The following COPS2 variants were observed in gnomAD, a reference collection of about 807,000 sequenced individuals.
COPS2 encodes the protein COP9 signalosome complex subunit 2.
In COPS2, 10 loss-of-function variants were observed where a neutral mutation model predicts 66.1. The observed-to-expected ratio is 0.15, with a 90% confidence interval of 0.09 to 0.26. The LOEUF is 0.26. Among genes scored for constraint, COPS2 ranks in the 10% least tolerant of loss-of-function variants. COPS2 has a pLI of 1.00. For missense variants in COPS2, 215 were observed against 513.3 expected, an observed-to-expected ratio of 0.42 and a Z score of 5.62; for synonymous variants, 179 against 171.3, an observed-to-expected ratio of 1.04 and a Z score of -0.35.
intron 1 of COPS2, among the ~76,000 whole-genome samples, chr15:49,146,412 T>G (rs1566885837): frequency 1.3e-5 from 2 of 150,472 alleles, no homozygotes; most frequent in African/African-American, 4.9e-5. Context: ...CTGATCAAGC[T>G]AAAAAAAAAG....
intron 1 of COPS2, among the ~76,000 whole-genome samples, chr15:49,154,687 A>G (rs1438824893): frequency 6.6e-6 from 1 of 152,236 alleles, no homozygotes; most frequent in Non-Finnish European, 1.5e-5. Flanking sequence ...GATGTTTTTG[A>G]ATAGCAAACG....
At chr15:49,135,040 T>A (rs573881857) in intron 6 of COPS2, among the ~76,000 whole-genome samples, 2 of 152,144 alleles carry the variant, frequency 1.3e-5, no homozygotes, top group African/African-American at 2.4e-5. Context: ...AATTTATAAA[T>A]CAGGTACAGT....
intron 6 of COPS2, among the ~76,000 whole-genome samples, chr15:49,136,342 A>G (rs1306555009): frequency 6.6e-6 from 1 of 152,218 alleles, no homozygotes; most frequent in Non-Finnish European, 1.5e-5. Context: ...TTAAAAAGTT[A>G]TAGAGCCATT....
intron 4 of COPS2, chr15:49,137,735 T>G: frequency 4.2e-6 from 1 of 235,988 alleles, no homozygotes; most frequent in East Asian, 9.0e-5. Context: ...AATCTAATAA[T>G]ACATTCTGTA....
At chr15:49,147,374 T>C (rs536991684) in intron 1 of COPS2, among the ~76,000 whole-genome samples, 11 of 152,280 alleles carry the variant, frequency 7.2e-5, no homozygotes, top group African/African-American at 2.4e-4. Flanking sequence ...AGTCCATTTA[T>C]TTTTGGTTTC....
chr15:49,128,234 T>C, intron 12 of COPS2, 140 bp from the exon 13 acceptor site: 1 of 714,664 alleles, frequency 1.4e-6, no homozygotes, highest in Non-Finnish European at 2.3e-6. Flanking sequence ...GTGTTAGTTT[T>C]AACTTCACTG....
chr15:49,155,329 C>T (rs1334542773), intron 1 of COPS2, among the ~76,000 whole-genome samples, 196 bp downstream of exon 1: 1 of 152,200 alleles, frequency 6.6e-6, no homozygotes, highest in Admixed American at 6.5e-5. Flanking sequence ...CCTCCTTTGC[C>T]CTCCCTTCCC....
At chr15:49,136,189 G>A (rs1241565496) in intron 6 of COPS2, among the ~76,000 whole-genome samples, 2 of 152,052 alleles carry the variant, frequency 1.3e-5, no homozygotes, top group African/African-American at 4.8e-5. Flanking sequence ...GGTGGCAAGC[G>A]TGGGGAGGGG....
chr15:49,155,590 G>T lies in COPS2; in HGVS notation c.-12C>A, dbSNP rs77933182. On this transcript the variant is annotated 5_prime_UTR_variant, in exon 1 of 13. Transcript: ENST00000388901. The stretch of plus-strand genomic sequence containing the variant: ...TCCATGTCAGACATCTTGGCCGGGA[G>T]GGGGAGGAGAAATTGGAGACAACCT... 13 of 1,613,858 alleles carry T rather than the reference G, an allele frequency of 8.1e-6. No homozygotes were observed. The highest frequency in any genetic ancestry group is 3.3e-5 in the South Asian group (3 of 91,072).
Position 49,130,920 on chromosome 15 carries a change from AAAT to A in COPS2, c.948-107_948-105del, listed in dbSNP as rs1415877328. ...TCTCAACTTTCATATGCAAAAATCT[AAAT>A]AATATTATACTTTCTGTCATGGAAA... On this transcript the variant is annotated intron_variant, in intron 9 of 12. Transcript: ENST00000388901. The A allele has an allele frequency of 1.5e-5, 8 of 541,336 alleles. No individual in the cohort carries two copies. The East Asian group carries it at 1.5e-4, about 10-fold the overall frequency. The allele number at this position is 541,336 out of a possible 1,614,324, so 33.5% of individuals were successfully genotyped here. A position where few individuals can be genotyped will look rare whatever the true frequency, so the allele number is the denominator to read the frequency against.
intron 7 of COPS2, 26 bp downstream of exon 7, chr15:49,134,314 G>T: frequency 6.2e-7 from 1 of 1,607,118 alleles, no homozygotes; most frequent in Non-Finnish European, 8.5e-7. Flanking sequence ...CCATGCCACT[G>T]CCCACCCTCT....
intron 1 of COPS2, among the ~76,000 whole-genome samples, chr15:49,154,869 ACAC>A (rs1436472652): frequency 2.6e-5 from 4 of 152,222 alleles, no homozygotes; most frequent in African/African-American, 9.6e-5. Context: ...TCCTCCAAAA[ACAC>A]CACAAGCAAA....
chr15:49,144,977 G>A lies in COPS2; in HGVS notation c.156C>T (p.Ser52=), dbSNP rs182786376. 131 of 1,576,002 alleles carry A rather than the reference G, an allele frequency of 8.3e-5. 1 individual carries two copies. In the East Asian group the frequency reaches 3.0e-3, roughly 36 times the overall value. ...LKEDDPKAAL[S]SFQKVLELEG... is the part of the protein sequence containing the mutation. ...AAAGAATATAAACCTTTTGGAAACT[G>A]CTTAATGCCGCTTTTGGGTCATCTT... Residue 52 remains serine (S), a synonymous_variant, in exon 2 of 13, where the codon AGC becomes AGT. Transcript: ENST00000388901.
At chr15:49,153,481 T>TA (rs1157665356) in intron 1 of COPS2, among the ~76,000 whole-genome samples, 1 of 152,180 alleles carries the variant, frequency 6.6e-6, no homozygotes, top group African/African-American at 2.4e-5. Context: ...GTATAGCCAT[T>TA]ATGGAGATTT....
chr15:49,135,291 A>C (rs2084243262), intron 6 of COPS2, among the ~76,000 whole-genome samples: 1 of 152,162 alleles, frequency 6.6e-6, no homozygotes, highest in South Asian at 2.1e-4. Flanking sequence ...TGTCTTCCCA[A>C]AATCTTCACA....
Position 49,155,538 on chromosome 15 carries a change from T to C in COPS2, c.41A>G (p.Glu14Gly). 2 of 1,614,178 alleles carry C rather than the reference T, an allele frequency of 1.2e-6. No homozygotes were observed. The highest frequency in any genetic ancestry group is 1.7e-6 in the Non-Finnish European group (2 of 1,180,018). ...MEDDFMCDDE[E>G]DYDLEYSEDS... ...CCTGCGCCTCACCAGGTCGTAGTCC[T>C]CCTCATCATCGCACATGAAATCATC... Residue 14 changes from glutamate to glycine, a missense_variant, in exon 1 of 13, where the codon GAG becomes GGG. By Grantham distance (98) the Glu-to-Gly change is moderately conservative. Around this residue, in one of 5 missense-constraint regions of COPS2, gnomAD observed 27 missense variants for 21.5 expected, o/e 1.25. Transcript: ENST00000388901.
chr15:49,138,604 T>A (rs541034030), intron 4 of COPS2, among the ~76,000 whole-genome samples: 53 of 152,310 alleles, frequency 3.5e-4, no homozygotes, highest in African/African-American at 1.3e-3. Flanking sequence ...ATAGCTTAAC[T>A]CTAGAATTAG....
chr15:49,128,429 T>A (rs561807946), intron 12 of COPS2, among the ~76,000 whole-genome samples: 2 of 152,338 alleles, frequency 1.3e-5, no homozygotes, highest in Admixed American at 1.3e-4. Flanking sequence ...ACCCTATACT[T>A]AAAAACATAC....
rs971512186 is a variant in COPS2 at position 49,124,764 on chromosome 15, A to G, written c.*3186T>C. On this transcript the variant is annotated 3_prime_UTR_variant, in exon 13 of 13. Transcript: ENST00000388901. ...TGTGTATGCTCAAGCCTCACTTCAA[A>G]AATCTAAATCAAAAGAGAAATTTTC... The G allele has an allele frequency of 2.0e-5, 3 of 152,244 alleles. No homozygotes were observed. Among genetic ancestry groups the G allele is most frequent in the African/African-American group, 7.2e-5 (3 of 41,466 alleles). The allele number at this position is 152,244 out of a possible 1,614,324, so 9.4% of individuals were successfully genotyped here. A position where few individuals can be genotyped will look rare whatever the true frequency, so the allele number is the denominator to read the frequency against.
Sources: allele counts gnomAD v4.1 joint callset (sites outside exome capture counted in the v4.1 genomes callset), GRCh38; gene constraint gnomAD v4.1.1; regional missense constraint gnomAD v4.1.1; transcripts MANE v1.5; gene names NCBI Gene and HGNC (gene_info 2026-07-23, HGNC 2026-07-21).